STK39: variants seen among roughly 807,000 people sequenced by gnomAD.
STK39 encodes the protein serine/threonine kinase 39, also known as STE20/SPS1-related proline-alanine-rich protein kinase.
A neutral mutation model predicts 77.8 loss-of-function variants in STK39; 20 were observed. The observed-to-expected ratio is 0.26, with a 90% CI of 0.18 to 0.37. The LOEUF is 0.37. Among genes scored for constraint, STK39 ranks in the 10% least tolerant of loss-of-function variants. The probability of loss-of-function intolerance (pLI) is 1.00; values close to 1 mark genes in which losing one functional copy is unlikely to be tolerated. For missense variants in STK39, 479 were observed against 656.5 expected (o/e 0.73, Z 2.95); for synonymous variants, 246 against 234.1 (o/e 1.05, Z -0.47).
chr2:168,138,843 G>A (rs1687903826), intron 7 of STK39, among the ~76,000 whole-genome samples: 1 of 152,004 alleles, frequency 6.6e-6, no homozygotes, highest in African/African-American at 2.4e-5. Context: ...GCTTTCGGAG[G>A]GGGACAAAAC....
intron 1 of STK39, among the ~76,000 whole-genome samples, chr2:168,185,801 C>T (rs1180145630): frequency 6.6e-6 from 1 of 152,090 alleles, no homozygotes; most frequent in African/African-American, 2.4e-5. Flanking sequence ...AAAAAAGCAG[C>T]AAAAAGATAT....
chr2:168,140,417 C>A (rs1311252535), intron 6 of STK39, 27 bp from the exon 7 acceptor site: 3 of 1,576,548 alleles, frequency 1.9e-6, no homozygotes, highest in African/African-American at 1.3e-5. Context: ...GAAAAAAACA[C>A]AATCATACAG....
intron 16 of STK39, among the ~76,000 whole-genome samples, chr2:167,966,422 T>A (rs1457145109): frequency 6.6e-6 from 1 of 152,182 alleles, no homozygotes; most frequent in Non-Finnish European, 1.5e-5. Flanking sequence ...TTCTAATAGT[T>A]CCTCTGATTT....
intron 16 of STK39, among the ~76,000 whole-genome samples, chr2:167,983,477 AAAGG>A (rs35073385): frequency 0.21 from 27,852 of 130,442 alleles, 3,053 homozygotes; most frequent in East Asian, 0.33. Flanking sequence ...AAAAGAAATG[AAAGG>A]AAGGAAGGAA....
intron 10 of STK39, among the ~76,000 whole-genome samples, chr2:168,085,721 A>G (rs1686349092): frequency 6.6e-6 from 1 of 152,182 alleles, no homozygotes; most frequent in Non-Finnish European, 1.5e-5. Flanking sequence ...GCCCATGACA[A>G]TATCTCCTGC....
At chr2:167,968,768 G>A (rs1049544809) in intron 16 of STK39, among the ~76,000 whole-genome samples, 2 of 152,312 alleles carry the variant, frequency 1.3e-5, no homozygotes, top group Admixed American at 6.5e-5. Context: ...GAGATGGTAC[G>A]AGGGTAGGTT....
At chr2:167,971,784 A>G (rs1384160577) in intron 16 of STK39, among the ~76,000 whole-genome samples, 2 of 152,202 alleles carry the variant, frequency 1.3e-5, no homozygotes, top group Admixed American at 1.3e-4. Flanking sequence ...AATGGGGTAC[A>G]TTTTACCTGA....
At chr2:168,097,252 T>C (rs956074834) in intron 10 of STK39, among the ~76,000 whole-genome samples, 1 of 152,236 alleles carries the variant, frequency 6.6e-6, no homozygotes, top group Non-Finnish European at 1.5e-5. Context: ...CTTGTGCAAA[T>C]GCACAGTTGA....
chr2:168,093,315 T>G (rs1473066747), intron 10 of STK39, among the ~76,000 whole-genome samples: 1 of 152,200 alleles, frequency 6.6e-6, no homozygotes, highest in Non-Finnish European at 1.5e-5. Context: ...AGAGGTTTAA[T>G]GGACTCACAG....
At chr2:168,136,143 C>T (rs920662680) in intron 8 of STK39, among the ~76,000 whole-genome samples, 20 of 151,306 alleles carry the variant, frequency 1.3e-4, no homozygotes, top group African/African-American at 4.4e-4. Context: ...CCAAGGCGGG[C>T]GAATCACGAG....
intron 14 of STK39, among the ~76,000 whole-genome samples, chr2:168,057,764 G>T (rs77804024): frequency 0.012 from 1,892 of 152,120 alleles, 44 homozygotes; most frequent in African/African-American, 0.043. Flanking sequence ...CTGTTTTACT[G>T]GGAAAATAGA....
At chr2:168,237,418 T>G (rs1170021363) in intron 1 of STK39, among the ~76,000 whole-genome samples, 1 of 152,240 alleles carries the variant, frequency 6.6e-6, no homozygotes, top group African/African-American at 2.4e-5. Flanking sequence ...CCTCTTTTCC[T>G]AACTGAATAC....
At chr2:167,988,393 T>C (rs184823702) in intron 16 of STK39, among the ~76,000 whole-genome samples, 21 of 152,300 alleles carry the variant, frequency 1.4e-4, no homozygotes, top group African/African-American at 4.3e-4. Context: ...CTCCATGTTT[T>C]CTAGCAAGAC....
intron 1 of STK39, among the ~76,000 whole-genome samples, chr2:168,234,990 C>CAA (rs1191744166): frequency 3.2e-5 from 4 of 123,600 alleles, no homozygotes; most frequent in Non-Finnish European, 5.3e-5. Flanking sequence ...CCATCTCTAA[C>CAA]AAAAAAAAAA....
chr2:168,106,514 G>T (rs189048962), intron 10 of STK39, among the ~76,000 whole-genome samples: 28 of 152,096 alleles, frequency 1.8e-4, no homozygotes, highest in African/African-American at 6.3e-4. Context: ...TTACATGTGG[G>T]GTACAGCTTC....
intron 14 of STK39, among the ~76,000 whole-genome samples, chr2:168,031,490 A>G (rs544636815): frequency 3.7e-4 from 57 of 152,234 alleles, no homozygotes; most frequent in African/African-American, 1.4e-3. Flanking sequence ...GGCTGAACAC[A>G]CAGTTCAGAT....
intron 14 of STK39, among the ~76,000 whole-genome samples, chr2:168,045,167 A>G (rs1685206485): frequency 6.6e-6 from 1 of 152,234 alleles, no homozygotes; most frequent in Non-Finnish European, 1.5e-5. Context: ...TCAAAATTTA[A>G]TCTGGTTAAA....
At chr2:168,158,657 T>C (rs1205494436) in intron 5 of STK39, among the ~76,000 whole-genome samples, 1 of 152,156 alleles carries the variant, frequency 6.6e-6, no homozygotes, top group Non-Finnish European at 1.5e-5. Context: ...ACCCAAAGCA[T>C]GGCTACACCG....
chr2:168,241,458 G>C (rs763871379), intron 1 of STK39, among the ~76,000 whole-genome samples: 9 of 152,168 alleles, frequency 5.9e-5, no homozygotes, highest in Admixed American at 2.6e-4. Context: ...ACTTGTCAGA[G>C]GGCCATTTGG....
Sources: gnomAD v4.1 joint callset for allele counts (sites outside exome capture counted in the v4.1 genomes callset) on GRCh38, gnomAD v4.1.1 for gene constraint, MANE v1.5 for transcripts, NCBI Gene and HGNC (gene_info 2026-07-23, HGNC 2026-07-21) for gene names.